Variants in NCKAP5 observed in about 807,000 individuals in gnomAD.
NCKAP5 encodes NCK associated protein 5.
Under a neutral mutation model 167.0 loss-of-function variants are expected in NCKAP5, and 92 were observed. The observed-to-expected ratio is 0.55, with a 90% confidence interval of 0.47 to 0.66. NCKAP5 has a LOEUF of 0.66. NCKAP5 is among the 30% of genes least tolerant of loss of function. The pLI is 0.00. For synonymous variants in NCKAP5, 891 were observed against 877.4 expected, an observed-to-expected ratio of 1.02 and a Z score of -0.27; for missense variants, 2,378 against 2,315.0, an observed-to-expected ratio of 1.03 and a Z score of -0.56.
At chr2:132,827,989 G>T (rs1687251221) in intron 11 of NCKAP5, among the ~76,000 whole-genome samples, 2 of 152,146 alleles carry the variant, frequency 1.3e-5, no homozygotes. Context: ...TCAGATTGAA[G>T]CACAAACCCA....
At chr2:133,353,556 G>A (rs1358748173) in intron 3 of NCKAP5, among the ~76,000 whole-genome samples, 2 of 152,166 alleles carry the variant, frequency 1.3e-5, no homozygotes, top group African/African-American at 4.8e-5. Context: ...GAGACCCATG[G>A]CCCTAAGTGG....
intron 4 of NCKAP5, among the ~76,000 whole-genome samples, chr2:133,270,519 GGC>G (rs2089460511): frequency 6.6e-6 from 1 of 152,154 alleles, no homozygotes; most frequent in Non-Finnish European, 1.5e-5. Context: ...AGGGTCTGGA[GGC>G]AGAGAACCTA....
rs78965553 is a variant in NCKAP5 at position 132,815,937 on chromosome 2, T to G, written c.808-19208A>C. On this transcript the variant is annotated intron_variant, in intron 11 of 19. Coordinates refer to ENST00000409261, the MANE Select transcript of NCKAP5 (RefSeq NM_207363.3). ...GAAATCCTGGGCTCAGCCTCACCAA[T>G]GAGCTTCCCTCTCCATGGCTACATC... 4.5e-3 allele frequency among the ~76,000 whole-genome samples: 679 copies of G among 152,300 alleles called. 6 individuals are homozygous for G. The highest frequency in any genetic ancestry group is 0.016 in the African/African-American group (655 of 41,570).
chr2:133,242,582 C>G (rs553635067), intron 4 of NCKAP5, among the ~76,000 whole-genome samples: 1 of 152,236 alleles, frequency 6.6e-6, no homozygotes, highest in East Asian at 1.9e-4. Flanking sequence ...CTACCTTTAA[C>G]TATATTAATG....
At chr2:133,370,755 A>G (rs1340834934) in intron 3 of NCKAP5, among the ~76,000 whole-genome samples, 1 of 150,384 alleles carries the variant, frequency 6.6e-6, no homozygotes, top group Non-Finnish European at 1.5e-5. Flanking sequence ...ATCAAAATAG[A>G]TTTGTTCTTC....
At chr2:133,256,184 G>A (rs934146795) in intron 4 of NCKAP5, among the ~76,000 whole-genome samples, 1 of 152,152 alleles carries the variant, frequency 6.6e-6, no homozygotes, top group Non-Finnish European at 1.5e-5. Flanking sequence ...ACACTAATAT[G>A]TACAATAATT....
At chr2:133,355,708 G>T (rs12471374) in intron 3 of NCKAP5, among the ~76,000 whole-genome samples, 1 of 151,792 alleles carries the variant, frequency 6.6e-6, no homozygotes, top group South Asian at 2.1e-4. Flanking sequence ...ATACTCTAGC[G>T]CAAAGGCCAA....
intron 4 of NCKAP5, among the ~76,000 whole-genome samples, chr2:133,280,388 CT>C (rs2089892098): frequency 6.6e-6 from 1 of 151,796 alleles, no homozygotes. Context: ...CTTTTGTTTT[CT>C]GTTCGTTTGT....
the NCKAP5 span, among the ~76,000 whole-genome samples, chr2:133,663,272 C>CAAAAAAAA: frequency 1.0e-5 from 1 of 98,100 alleles, no homozygotes; most frequent in African/African-American, 3.5e-5. Flanking sequence ...GACTCCGTCT[C>CAAAAAAAA]AAAAAAAAAA....
intron 7 of NCKAP5, among the ~76,000 whole-genome samples, chr2:132,989,551 C>A (rs777156215): frequency 6.6e-6 from 1 of 152,154 alleles, no homozygotes; most frequent in Non-Finnish European, 1.5e-5. Context: ...ACCTTCCCTG[C>A]ACATATGACA....
chr2:133,251,124 A>G (rs551327331), intron 4 of NCKAP5, among the ~76,000 whole-genome samples: 90 of 152,300 alleles, frequency 5.9e-4, no homozygotes, highest in African/African-American at 1.9e-3. Flanking sequence ...CAAAGAAAAA[A>G]TACAGTGTAA....
At chr2:133,480,354 C>T (rs529002398) in intron 3 of NCKAP5, among the ~76,000 whole-genome samples, 9 of 152,154 alleles carry the variant, frequency 5.9e-5, no homozygotes, top group Non-Finnish European at 1.0e-4. Flanking sequence ...CCTTTCCCTT[C>T]TAACAAACAC....
In NCKAP5 at chr2:133,059,253, T is replaced by TC. The variant is rs2079908448; in HGVS notation, c.342-65015dup. 2.0e-5 allele frequency among the ~76,000 whole-genome samples: 3 copies of TC among 151,846 alleles called. No individual in the cohort carries two copies. In the South Asian group the frequency reaches 6.3e-4, roughly 32 times the overall value. On this transcript the variant is annotated intron_variant, in intron 6 of 19. Coordinates refer to ENST00000409261, the MANE Select transcript of NCKAP5 (RefSeq NM_207363.3). The stretch of plus-strand genomic sequence containing the variant: ...AAGGGGAGCTTGCAGTGAGCCGAGA[T>TC]CGCGCCACTGCACTCCAGCCTGGGC...
rs116513765 is a variant in NCKAP5, at chr2:133,397,693, T to A, written c.70-94583A>T. Among the ~76,000 whole-genome samples, 1,435 of 152,326 alleles carry A rather than the reference T, an allele frequency of 9.4e-3. 17 individuals are homozygous for A. The highest frequency in any genetic ancestry group is 0.032 in the African/African-American group (1,349 of 41,570). Reference sequence around the variant, plus strand: ...GGTGTCCCCAAAACACAGGAGATTTTCATATTTATCATAATTCTTTAGCAG... The same window carrying A: ...GGTGTCCCCAAAACACAGGAGATTTACATATTTATCATAATTCTTTAGCAG... On this transcript the variant is annotated intron_variant, in intron 3 of 19. Coordinates refer to ENST00000409261, the MANE Select transcript of NCKAP5 (RefSeq NM_207363.3).
intron 8 of NCKAP5, among the ~76,000 whole-genome samples, chr2:132,894,789 C>T (rs1050321142): frequency 1.3e-5 from 2 of 152,154 alleles, no homozygotes; most frequent in Non-Finnish European, 2.9e-5. Context: ...CAGAGGGCCG[C>T]CCTCCGCCCT....
chr2:133,154,418 A>G (rs1294803358), intron 5 of NCKAP5, among the ~76,000 whole-genome samples: 2 of 152,246 alleles, frequency 1.3e-5, no homozygotes, highest in African/African-American at 4.8e-5. Flanking sequence ...TTATTAATCA[A>G]TAAATGACAT....
chr2:133,406,123 G>A (rs57440401), intron 3 of NCKAP5, among the ~76,000 whole-genome samples: 6,525 of 152,214 alleles, frequency 0.043, 419 homozygotes, highest in African/African-American at 0.15. Context: ...TCATCAATAA[G>A]TCAACAGCAG....
chr2:132,802,273 A>G (rs1280509596), intron 11 of NCKAP5, among the ~76,000 whole-genome samples: 1 of 152,174 alleles, frequency 6.6e-6, no homozygotes, highest in Non-Finnish European at 1.5e-5. Context: ...GGACCTGGCC[A>G]TGTTTAGGGA....
the NCKAP5 span, among the ~76,000 whole-genome samples, chr2:133,580,428 A>G: frequency 6.6e-6 from 1 of 152,188 alleles, no homozygotes; most frequent in Non-Finnish European, 1.5e-5. Context: ...AGGTCATAGA[A>G]GGGAAAATAG....
Sources: gnomAD v4.1 joint callset for allele counts (sites outside exome capture counted in the v4.1 genomes callset) on GRCh38, gnomAD v4.1.1 for gene constraint, MANE v1.5 for transcripts, NCBI Gene and HGNC (gene_info 2026-07-23, HGNC 2026-07-21) for gene names.